The following ADAM18 variants were observed in gnomAD, a reference collection of about 807,000 sequenced individuals.
The protein encoded by ADAM18 is disintegrin and metalloproteinase domain-containing protein 18.
In ADAM18, 117 loss-of-function variants were observed where a neutral mutation model predicts 94.4. The ratio of observed to expected loss-of-function variants is 1.24; its 90% CI spans 1.07 to 1.45. ADAM18 has a LOEUF of 1.45. Ranked by LOEUF, ADAM18 falls within the 40% of genes most tolerant of loss-of-function variation. The pLI is 0.00. For missense variants in ADAM18, 936 were observed against 880.0 expected (o/e 1.06, Z -0.81); for synonymous variants, 327 against 291.6 (o/e 1.12, Z -1.24).
chr8:39,695,412 C>A (rs552886144), intron 17 of ADAM18, among the ~76,000 whole-genome samples: 1 of 151,412 alleles, frequency 6.6e-6, no homozygotes, highest in South Asian at 2.1e-4. Flanking sequence ...GTGTTTTCAG[C>A]GATTGGGATT....
At chr8:39,703,875 G>C (rs938087975) in intron 17 of ADAM18, among the ~76,000 whole-genome samples, 3 of 152,066 alleles carry the variant, frequency 2.0e-5, no homozygotes, top group Admixed American at 2.0e-4. Context: ...AAATGATAAA[G>C]GGGATATTAC....
intron 14 of ADAM18, among the ~76,000 whole-genome samples, chr8:39,675,170 T>C (rs1821267620): frequency 6.6e-6 from 1 of 152,308 alleles, no homozygotes; most frequent in Admixed American, 6.5e-5. Flanking sequence ...TGTTGGCCTG[T>C]CTTGTTAGGT....
intron 10 of ADAM18, among the ~76,000 whole-genome samples, chr8:39,642,241 T>C (rs1430375610): frequency 6.6e-6 from 1 of 152,180 alleles, no homozygotes; most frequent in Non-Finnish European, 1.5e-5. Context: ...TTTCCTATGC[T>C]GTGCAGAAGC....
At chr8:39,726,636 C>T (rs1252288211) in intron 19 of ADAM18, among the ~76,000 whole-genome samples, 1 of 151,990 alleles carries the variant, frequency 6.6e-6, no homozygotes, top group Non-Finnish European at 1.5e-5. Flanking sequence ...AGACCAATGG[C>T]AAGGAGCTTT....
intron 10 of ADAM18, among the ~76,000 whole-genome samples, chr8:39,644,449 G>A (rs1820321022): frequency 6.6e-6 from 1 of 151,972 alleles, no homozygotes; most frequent in African/African-American, 2.4e-5. Context: ...CATCTTGCTG[G>A]CTATTTTTAA....
At chr8:39,592,838 A>T in intron 2 of ADAM18, among the ~76,000 whole-genome samples, 1 of 152,208 alleles carries the variant, frequency 6.6e-6, no homozygotes, top group Middle Eastern at 3.2e-3. Flanking sequence ...TAACAATTTA[A>T]AAAGTGCTAT....
intron 9 of ADAM18, 133 bp from the exon 10 acceptor site, chr8:39,638,332 A>C (rs1255578690): frequency 1.2e-5 from 6 of 509,914 alleles, no homozygotes; most frequent in Non-Finnish European, 2.1e-5. Flanking sequence ...TGTTTATTAG[A>C]TATTACCTAG....
chr8:39,652,306 A>C (rs965864118), intron 12 of ADAM18, among the ~76,000 whole-genome samples: 4 of 152,166 alleles, frequency 2.6e-5, no homozygotes, highest in Non-Finnish European at 5.9e-5. Context: ...ACATCTGATA[A>C]AAGGTTAATA....
chr8:39,655,596 G>C (rs764752223), intron 12 of ADAM18, among the ~76,000 whole-genome samples: 3 of 152,044 alleles, frequency 2.0e-5, no homozygotes, highest in Non-Finnish European at 2.9e-5. Flanking sequence ...ATGAGGCAGT[G>C]ATATCTGTTG....
intron 18 of ADAM18, among the ~76,000 whole-genome samples, chr8:39,721,940 T>A (rs1822762004): frequency 6.6e-6 from 1 of 151,122 alleles, no homozygotes. Context: ...ATACATCATA[T>A]GTTCGTTGCA....
At chr8:39,683,841 C>CT (rs200169761) in intron 16 of ADAM18, among the ~76,000 whole-genome samples, 1,790 of 152,118 alleles carry the variant, frequency 0.012, 45 homozygotes, top group African/African-American at 0.042. Context: ...GTTTTACTTA[C>CT]TTTTTTTGGT....
chr8:39,686,895 C>T (rs544033381), intron 16 of ADAM18, among the ~76,000 whole-genome samples: 16 of 152,256 alleles, frequency 1.1e-4, no homozygotes, highest in Non-Finnish European at 5.9e-5. Context: ...TTGTTTGGTG[C>T]ATATTCATAT....
chr8:39,631,990 C>T (rs1819942465), intron 7 of ADAM18, among the ~76,000 whole-genome samples: 1 of 151,942 alleles, frequency 6.6e-6, no homozygotes, highest in African/African-American at 2.4e-5. Flanking sequence ...ATAGTTGACA[C>T]ACAATTTATC....
At chr8:39,699,916 A>AT (rs1351419643) in intron 17 of ADAM18, among the ~76,000 whole-genome samples, 1 of 152,126 alleles carries the variant, frequency 6.6e-6, no homozygotes, top group East Asian at 1.9e-4. Flanking sequence ...CACCTGTGCA[A>AT]TTTTTTCAGA....
At chr8:39,644,997 C>T (rs1019528244) in intron 10 of ADAM18, among the ~76,000 whole-genome samples, 1 of 152,104 alleles carries the variant, frequency 6.6e-6, no homozygotes, top group African/African-American at 2.4e-5. Flanking sequence ...ATGCCTGACA[C>T]ATGAGTACAC....
intron 6 of ADAM18, among the ~76,000 whole-genome samples, chr8:39,613,408 C>T (rs759609058): frequency 5.3e-5 from 8 of 152,142 alleles, no homozygotes; most frequent in Non-Finnish European, 8.8e-5. Flanking sequence ...GAAACAAAGT[C>T]GGTTGACTGA....
intron 18 of ADAM18, among the ~76,000 whole-genome samples, chr8:39,713,809 G>A (rs1822490984): frequency 6.6e-6 from 1 of 152,216 alleles, no homozygotes; most frequent in Non-Finnish European, 1.5e-5. Flanking sequence ...TGGAGAGGAT[G>A]TGGAGAAATA....
chr8:39,660,714 G>A (rs977638924), intron 12 of ADAM18, among the ~76,000 whole-genome samples: 57 of 152,192 alleles, frequency 3.7e-4, no homozygotes, highest in South Asian at 1.9e-3. Context: ...GAAAGTACTG[G>A]AAAAGCTGTT....
At chr8:39,652,839 A>G (rs945605717) in intron 12 of ADAM18, among the ~76,000 whole-genome samples, 1 of 152,218 alleles carries the variant, frequency 6.6e-6, no homozygotes, top group African/African-American at 2.4e-5. Context: ...ATGGACTACT[A>G]TTCAGACTTT....
Sources: allele counts gnomAD v4.1 joint callset (sites outside exome capture counted in the v4.1 genomes callset), GRCh38; gene constraint gnomAD v4.1.1; transcripts MANE v1.5; gene names NCBI Gene and HGNC (gene_info 2026-07-23, HGNC 2026-07-21).